The following ULK4 variants were observed in gnomAD, a reference collection of about 807,000 sequenced individuals.
The protein encoded by ULK4 is inactive serine/threonine-protein kinase ULK4.
ULK4 carries 133 observed loss-of-function variants against 160.6 expected under a neutral mutation model. The ratio of observed to expected loss-of-function variants is 0.83; its 90% confidence interval spans 0.72 to 0.96. ULK4 has a LOEUF of 0.96. Ranked by LOEUF, ULK4 falls within the 40% of genes least tolerant of loss-of-function variation. ULK4 has a pLI of 0.00. For missense variants in ULK4, 1,580 were observed against 1,499.5 expected (o/e 1.05, Z -0.89); for synonymous variants, 534 against 539.8 (o/e 0.99, Z 0.15).
At chr3:41,915,532 C>T (rs1054136341) in intron 8 of ULK4, 1 of 158,216 alleles carries the variant, frequency 6.3e-6, no homozygotes, top group Non-Finnish European at 1.4e-5. Flanking sequence ...TATCCTATCA[C>T]TTAATAGCCC....
intron 19 of ULK4, 132 bp downstream of exon 19, chr3:41,819,291 C>G (rs1269736707): frequency 1.3e-6 from 1 of 743,362 alleles, no homozygotes; most frequent in Non-Finnish European, 2.1e-6. Flanking sequence ...GGTAGGTTGT[C>G]GGGATTATTT....
chr3:41,278,978 G>A (rs1559501365), intron 35 of ULK4, among the ~76,000 whole-genome samples: 1 of 152,068 alleles, frequency 6.6e-6, no homozygotes, highest in Non-Finnish European at 1.5e-5. Context: ...GGCTTCAGAA[G>A]GTCGGTAATA....
At chr3:41,668,192 T>A (rs73828209) in intron 29 of ULK4, among the ~76,000 whole-genome samples, 1 of 152,098 alleles carries the variant, frequency 6.6e-6, no homozygotes, top group African/African-American at 2.4e-5. Context: ...CTCTGAGAAT[T>A]TGAAGGAGTG....
intron 17 of ULK4, among the ~76,000 whole-genome samples, chr3:41,856,672 G>A (rs78176078): frequency 0.13 from 18,839 of 144,316 alleles, 4,106 homozygotes; most frequent in African/African-American, 0.45. Flanking sequence ...AATCCAACAG[G>A]ATAGTCTTTC....
chr3:41,440,275 C>T, intron 34 of ULK4, among the ~76,000 whole-genome samples: 1 of 152,106 alleles, frequency 6.6e-6, no homozygotes, highest in East Asian at 1.9e-4. Context: ...GTTTGTGTTT[C>T]AGATCTTAGG....
At chr3:41,515,235 C>T (rs963186755) in intron 32 of ULK4, among the ~76,000 whole-genome samples, 11 of 150,562 alleles carry the variant, frequency 7.3e-5, no homozygotes, top group African/African-American at 1.7e-4. Context: ...CCAGTCTGGG[C>T]GACAGAGTGA....
At chr3:41,274,286 A>C (rs1398809367) in intron 35 of ULK4, among the ~76,000 whole-genome samples, 1 of 152,144 alleles carries the variant, frequency 6.6e-6, no homozygotes, top group Non-Finnish European at 1.5e-5. Context: ...CCAGATACGG[A>C]AATTCTCATG....
intron 32 of ULK4, among the ~76,000 whole-genome samples, chr3:41,491,223 T>C (rs1334420405): frequency 6.6e-6 from 1 of 152,212 alleles, no homozygotes. Flanking sequence ...CAATTCTTCC[T>C]AAATTAATCT....
intron 35 of ULK4, among the ~76,000 whole-genome samples, chr3:41,371,816 G>C (rs1460083733): frequency 6.6e-6 from 1 of 152,020 alleles, no homozygotes; most frequent in Non-Finnish European, 1.5e-5. Context: ...ACAGAAGTAG[G>C]CTTCAGAAGG....
chr3:41,379,320 T>C (rs1297535299), intron 35 of ULK4, among the ~76,000 whole-genome samples: 3 of 152,156 alleles, frequency 2.0e-5, no homozygotes, highest in African/African-American at 7.2e-5. Flanking sequence ...TATGCATAAA[T>C]TGGAAATGGA....
chr3:41,293,840 C>T (rs1332156668), intron 35 of ULK4, among the ~76,000 whole-genome samples: 1 of 152,170 alleles, frequency 6.6e-6, no homozygotes, highest in Non-Finnish European at 1.5e-5. Flanking sequence ...ATTTCATCTG[C>T]AGTAGGCATG....
chr3:41,471,203 T>C (rs2083982044), intron 32 of ULK4, among the ~76,000 whole-genome samples: 1 of 152,058 alleles, frequency 6.6e-6, no homozygotes, highest in African/African-American at 2.4e-5. Context: ...GAGACTTCTA[T>C]TTATATAAAA....
At chr3:41,415,653 C>T (rs894738941) in intron 34 of ULK4, among the ~76,000 whole-genome samples, 1 of 152,112 alleles carries the variant, frequency 6.6e-6, no homozygotes, top group African/African-American at 2.4e-5. Context: ...TCTTCCCTGG[C>T]CTCCTAATAT....
At chr3:41,266,906 C>A (rs1356250301) in intron 35 of ULK4, among the ~76,000 whole-genome samples, 1 of 150,296 alleles carries the variant, frequency 6.7e-6, no homozygotes, top group Admixed American at 6.7e-5. Context: ...GGAGCAAAGG[C>A]AATACTAATG....
At chr3:41,762,929 C>G (rs1471489358) in intron 21 of ULK4, among the ~76,000 whole-genome samples, 1 of 152,122 alleles carries the variant, frequency 6.6e-6, no homozygotes, top group Non-Finnish European at 1.5e-5. Context: ...TCCCAAAATG[C>G]TGGGATTACA....
chr3:41,564,727 G>A (rs1038126741), intron 32 of ULK4, among the ~76,000 whole-genome samples: 2 of 151,962 alleles, frequency 1.3e-5, no homozygotes, highest in Admixed American at 1.3e-4. Flanking sequence ...CCAAAGTGCT[G>A]GGATTACAAG....
At chr3:41,343,932 C>T (rs2080744165) in intron 35 of ULK4, among the ~76,000 whole-genome samples, 2 of 151,970 alleles carry the variant, frequency 1.3e-5, no homozygotes, top group Non-Finnish European at 2.9e-5. Context: ...CAATGCAATT[C>T]CCATTAAATT....
intron 35 of ULK4, among the ~76,000 whole-genome samples, chr3:41,375,035 T>A (rs749955757): frequency 6.6e-6 from 1 of 152,004 alleles, no homozygotes; most frequent in Non-Finnish European, 1.5e-5. Context: ...CATTCACAAC[T>A]GCTACAAAGA....
At chr3:41,452,901 A>G (rs1369621749) in intron 34 of ULK4, among the ~76,000 whole-genome samples, 1 of 152,170 alleles carries the variant, frequency 6.6e-6, no homozygotes, top group Non-Finnish European at 1.5e-5. Flanking sequence ...CAGTGAGACT[A>G]TTCCCAAACA....
Sources: allele counts gnomAD v4.1 joint callset (sites outside exome capture counted in the v4.1 genomes callset), GRCh38; gene constraint gnomAD v4.1.1; transcripts MANE v1.5; gene names NCBI Gene and HGNC (gene_info 2026-07-23, HGNC 2026-07-21).